Variants in XPO5 observed in about 807,000 individuals in gnomAD.
XPO5 encodes the protein exportin-5.
In XPO5, 46 loss-of-function variants were observed where a neutral mutation model predicts 160.6. That is an observed-to-expected ratio of 0.29 (90% CI 0.23 to 0.37). The LOEUF is 0.37. XPO5 is among the 10% of genes least tolerant of loss of function. XPO5 has a pLI of 1.00. For missense variants in XPO5, 1,090 were observed against 1,463.9 expected, an observed-to-expected ratio of 0.74 and a Z score of 4.17; for synonymous variants, 537 against 519.3, an observed-to-expected ratio of 1.03 and a Z score of -0.46.
intron 27 of XPO5, 151 bp from the exon 28 acceptor site, chr6:43,526,072 AT>A (rs930761657): frequency 2.8e-5 from 19 of 686,358 alleles, no homozygotes; most frequent in South Asian, 5.6e-5. Flanking sequence ...CCTCCACATA[AT>A]GCCCATGCCC....
chr6:43,569,312 A>C (rs572887490), intron 5 of XPO5, among the ~76,000 whole-genome samples: 48 of 151,978 alleles, frequency 3.2e-4, no homozygotes, highest in South Asian at 1.2e-3. Context: ...AAAACAACAA[A>C]AAAAAATACA....
chr6:43,558,512 G>C lies in XPO5; in HGVS notation c.1301C>G (p.Ala434Gly). 1 of 1,600,944 alleles carries C rather than the reference G, an allele frequency of 6.2e-7. No individual in the cohort carries two copies. The highest frequency in any genetic ancestry group is 8.5e-7 in the Non-Finnish European group (1 of 1,174,204). The change falls in exon 12 of 32, where the codon GCT becomes GGT. Residue 434 changes from alanine (A) to glycine (G), a missense_variant. By Grantham distance (60) the Ala-to-Gly change is moderately conservative (BLOSUM62 0). Transcript: ENST00000265351. ...CCAACATCACTTACAGTTGAAGAAA[G>C]CATTGAAGTCCTCATCGCTATCAAA... ...FDFDSDEDFNAFFNSSRAQQG... is the reference protein window; with the variant it reads ...FDFDSDEDFNGFFNSSRAQQG...
intron 6 of XPO5, among the ~76,000 whole-genome samples, chr6:43,568,360 C>G (rs1762812552): frequency 6.6e-6 from 1 of 152,052 alleles, no homozygotes; most frequent in Non-Finnish European, 1.5e-5. Flanking sequence ...CAGTGGCCCA[C>G]AGTCACTTCA....
chr6:43,537,899 T>C lies in XPO5; in HGVS notation c.2343-3892A>G, dbSNP rs1016372301. On this transcript the variant is annotated intron_variant, in intron 20 of 31. Coordinates refer to ENST00000265351, the MANE Select transcript of XPO5 (RefSeq NM_020750.3). ...CTGGGTAACATGGCAAAACCCTGTATCTACTAAAAATACAAAAAATTAGCC... is the reference window on the plus strand; with the variant it reads ...CTGGGTAACATGGCAAAACCCTGTACCTACTAAAAATACAAAAAATTAGCC... 2.6e-5 allele frequency among the ~76,000 whole-genome samples: 4 copies of C among 151,692 alleles called. No homozygotes were observed. The East Asian group carries it at 7.8e-4, about 30-fold the overall frequency.
At chr6:43,548,847 A>G (rs1332923767) in intron 17 of XPO5, among the ~76,000 whole-genome samples, 1 of 151,970 alleles carries the variant, frequency 6.6e-6, no homozygotes, top group Non-Finnish European at 1.5e-5. Context: ...CCCATGCCCC[A>G]AAAAGGGTTG....
At chr6:43,527,422 C>T (rs983484823) in intron 26 of XPO5, 15 of 450,204 alleles carry the variant, frequency 3.3e-5, no homozygotes, top group East Asian at 1.3e-4. Flanking sequence ...CAGGCCTGCG[C>T]GCCACTACGC....
rs1477344791 is a variant in XPO5 at position 43,570,983 on chromosome 6, G to T, written c.312C>A (p.Asn104Lys). Residue 104 changes from asparagine to lysine, a missense_variant, in exon 4 of 32, where the codon AAC becomes AAA. Asn to Lys is a moderately conservative substitution (Grantham distance 94). Transcript: ENST00000265351. ...TAATATGGTTCTCCTCTTCCAAAAT[G>T]TTCAATGTTCCCTGAAAAAGAACAA... ...VMELIANGTL[N>K]ILEEENHIKD... The T allele has an allele frequency of 6.2e-7, 1 of 1,609,370 alleles. No homozygotes were observed. The highest frequency in any genetic ancestry group is 8.5e-7 in the Non-Finnish European group (1 of 1,178,632).
At chr6:43,570,434 T>C in intron 5 of XPO5, 68 bp downstream of exon 5, 1 of 1,417,780 alleles carries the variant, frequency 7.1e-7, no homozygotes, top group Non-Finnish European at 9.4e-7. Context: ...CCTAGTTCCT[T>C]ACTGTAAGAT....
At chr6:43,536,629 C>T (rs1794339801) in intron 20 of XPO5, among the ~76,000 whole-genome samples, 1 of 150,750 alleles carries the variant, frequency 6.6e-6, no homozygotes. Context: ...CATGGTGGCA[C>T]ACGCCTGTAA....
At position 43,546,152 on chromosome 6, in the gene XPO5, C is replaced by T. The variant is rs543318339; in HGVS notation, c.2342+419G>A. 8.9e-4 allele frequency among the ~76,000 whole-genome samples: 136 copies of T among 151,972 alleles called. 2 individuals are homozygous for T. The highest frequency in any genetic ancestry group is 1.3e-3 in the Admixed American group (20 of 15,266). On this transcript the variant is annotated intron_variant, in intron 20 of 31. Coordinates refer to ENST00000265351, the MANE Select transcript of XPO5 (RefSeq NM_020750.3). ...GTTGTTTGGTTCATCTGAGCTCAGA[C>T]TCAGTATTGATAAATTCAGATTAGC...
chr6:43,558,452 G>C (rs1284426028), intron 12 of XPO5, 49 bp downstream of exon 12: 1 of 1,482,946 alleles, frequency 6.7e-7, no homozygotes, highest in Non-Finnish European at 9.1e-7. Flanking sequence ...CATAATACTA[G>C]ATGCCATTCT....
rs565103369 is a variant in XPO5, at chr6:43,541,608, G to A, written c.2342+4963C>T. The stretch of plus-strand genomic sequence containing the variant: ...TACACTTTCTTCTCCTCTCCAACCT[G>A]AGGCAATCGCCAATGTACTTTCTGT... On this transcript the variant is annotated intron_variant, in intron 20 of 31. Coordinates refer to ENST00000265351, the MANE Select transcript of XPO5 (RefSeq NM_020750.3). Among the ~76,000 whole-genome samples the A allele has an allele frequency of 6.6e-5, 10 of 151,482 alleles. 1 individual carries two copies. The highest frequency in any genetic ancestry group is 2.0e-4 in the African/African-American group (8 of 40,826).
intron 17 of XPO5, 63 bp from the exon 18 acceptor site, chr6:43,548,523 T>C: frequency 7.2e-7 from 1 of 1,383,312 alleles, no homozygotes; most frequent in Non-Finnish European, 9.5e-7. Flanking sequence ...GAGAGGTGGC[T>C]TACTCAAGGA....
Position 43,549,406 on chromosome 6 carries a change from C to T in XPO5, c.1860+83G>A, listed in dbSNP as rs569193004. The T allele has an allele frequency of 4.7e-5, 65 of 1,368,818 alleles. No individual in the cohort carries two copies. The South Asian group carries it at 8.9e-4, about 19-fold the overall frequency. 84.8% of individuals were successfully genotyped at this position (1,368,818 alleles called of 1,614,324 possible). A position where few individuals can be genotyped will look rare whatever the true frequency, so the allele number is the denominator to read the frequency against. The stretch of plus-strand genomic sequence containing the variant: ...GCAAAGCTATAGTTTCTAGTTTTTT[C>T]TTTATGTGAGGTACACTGAAAGCTG... On this transcript the variant is annotated intron_variant, in intron 17 of 31. Transcript: ENST00000265351.
intron 27 of XPO5, 59 bp from the exon 28 acceptor site, chr6:43,525,980 G>T: frequency 6.9e-6 from 11 of 1,592,072 alleles, no homozygotes; most frequent in Non-Finnish European, 8.6e-6. Context: ...AGAATATCTT[G>T]TTCTGACAGA....
Position 43,523,183 on chromosome 6 carries a change from T to TA in XPO5, c.*684dup, listed in dbSNP as rs1277901133. 1 of 170,710 alleles carries TA rather than the reference T, an allele frequency of 5.9e-6. No individual in the cohort carries two copies. The highest frequency in any genetic ancestry group is 2.4e-5 in the African/African-American group (1 of 41,802). 10.6% of individuals were successfully genotyped at this position (170,710 alleles called of 1,614,324 possible). A position where few individuals can be genotyped will look rare whatever the true frequency, so the allele number is the denominator to read the frequency against. The stretch of plus-strand genomic sequence containing the variant: ...ATGGAAGGGCAAGATGTGTGAACTC[T>TA]AAAGGGGATGTTAGCACTAAAGACT... On this transcript the variant is annotated 3_prime_UTR_variant, in exon 32 of 32. Coordinates refer to ENST00000265351, the MANE Select transcript of XPO5 (RefSeq NM_020750.3).
chr6:43,534,099 C>CTGG, intron 20 of XPO5, 92 bp from the exon 21 acceptor site: 2 of 929,690 alleles, frequency 2.2e-6, no homozygotes, highest in South Asian at 1.3e-5. Context: ...TACAGTTTCA[C>CTGG]ACAGATCTGC....
rs1793282802 is a variant in XPO5 at position 43,522,851 on chromosome 6, C to T, written c.*1017G>A. 3.8e-6 allele frequency: 1 copy of T among 262,694 alleles called. No individual in the cohort carries two copies. Among genetic ancestry groups the T allele is most frequent in the Non-Finnish European group, 8.8e-6 (1 of 113,684 alleles). The allele number at this position is 262,694 out of a possible 1,614,324, so 16.3% of individuals were successfully genotyped here. On this transcript the variant is annotated 3_prime_UTR_variant, in exon 32 of 32. Transcript: ENST00000265351. ...GTCCCGTATCCATGTCCTCTCTTTA[C>T]AGGGCCTTTCAGTGACCTCTAGAAT... is the stretch of plus-strand genomic sequence containing the variant.
chr6:43,527,527 G>T, intron 26 of XPO5, 107 bp downstream of exon 26: 3 of 1,146,016 alleles, frequency 2.6e-6, no homozygotes, highest in Middle Eastern at 2.0e-4. Context: ...CATGCCCGCC[G>T]CAAACATGAA....
Sources: allele counts gnomAD v4.1 joint callset (sites outside exome capture counted in the v4.1 genomes callset), GRCh38; gene constraint gnomAD v4.1.1; transcripts MANE v1.5; gene names NCBI Gene and HGNC (gene_info 2026-07-23, HGNC 2026-07-21).